Variants in CCL24 observed in about 807,000 individuals in gnomAD.
The protein encoded by CCL24 is C-C motif chemokine 24.
In CCL24, 6 loss-of-function variants were observed where a neutral mutation model predicts 8.6. The observed-to-expected ratio is 0.70, with a 90% confidence interval of 0.38 to 1.38. The LOEUF (loss-of-function observed/expected upper bound fraction) is 1.38, where lower values mean the gene tolerates loss of function less well. CCL24 is among the 40% of genes most tolerant of loss of function. CCL24 has a pLI of 0.02. For missense variants in CCL24, 126 were observed against 147.1 expected (o/e 0.86, Z 0.74); for synonymous variants, 59 against 52.7 (o/e 1.12, Z -0.52).
Position 75,810,844 on chromosome 7 carries a change from G to A in CCL24, c.*952C>T, listed in dbSNP as rs897445399. 1.2e-4 allele frequency among the ~76,000 whole-genome samples: 18 copies of A among 150,248 alleles called. No individual in the cohort carries two copies. The highest frequency in any genetic ancestry group is 8.4e-4 in the South Asian group (4 of 4,746). On this transcript the variant is annotated 3_prime_UTR_variant, in exon 3 of 3. Coordinates refer to ENST00000222902, the MANE Select transcript of CCL24 (RefSeq NM_002991.3). Reference sequence around the variant, plus strand: ...ACAACCTTCAAAGAAAAAAAGAATCGCATTTTATTTGGCCTATTATTTGAG... The same window carrying A: ...ACAACCTTCAAAGAAAAAAAGAATCACATTTTATTTGGCCTATTATTTGAG...
intron 2 of CCL24, 75 bp downstream of exon 2, chr7:75,813,231 C>T (rs1803812341): frequency 2.4e-6 from 2 of 849,476 alleles, no homozygotes; most frequent in East Asian, 2.5e-5. Context: ...GGCTGGCTGA[C>T]CTTGCTTCTC....
At chr7:75,820,148 CCTCCTT>C (rs376518219) in intron 1 of CCL24, among the ~76,000 whole-genome samples, 16,523 of 97,264 alleles carry the variant, frequency 0.17, 3,017 homozygotes, top group Non-Finnish European at 0.18. Flanking sequence ...TCCTCCTCCT[CCTCCTT>C]CTCCTTCTCC....
chr7:75,822,971 C>A (rs918657130), intron 1 of CCL24, among the ~76,000 whole-genome samples: 1 of 152,230 alleles, frequency 6.6e-6, no homozygotes, highest in African/African-American at 2.4e-5. Flanking sequence ...AGGCAGCATG[C>A]TCCGCTGAGT....
chr7:75,819,304 ATATATATATATATATAT>A (rs1236184745), intron 1 of CCL24, among the ~76,000 whole-genome samples: 7 of 5,702 alleles, frequency 1.2e-3, no homozygotes, highest in Non-Finnish European at 1.8e-3. Context: ...AAAAAAAAAA[ATATATATATATATATAT>A]ATATATATAT....
At chr7:75,816,482 T>G (rs1803893058), upstream of CCL24, among the ~76,000 whole-genome samples, 1 of 152,120 alleles carries the variant, frequency 6.6e-6, no homozygotes, top group Non-Finnish European at 1.5e-5. Context: ...GGCAGAGCAA[T>G]TAGGGAGGAT....
upstream of CCL24, among the ~76,000 whole-genome samples, chr7:75,816,214 C>T (rs1803886225): frequency 6.6e-6 from 1 of 152,230 alleles, no homozygotes; most frequent in Non-Finnish European, 1.5e-5. Context: ...TCTGAAACAA[C>T]TTCCTCTGGA....
chr7:75,816,828 C>T (rs1315579061), upstream of CCL24, among the ~76,000 whole-genome samples: 2 of 140,156 alleles, frequency 1.4e-5, no homozygotes, highest in African/African-American at 5.4e-5. Context: ...CCCCAACGTG[C>T]TGGGATTACA....
In CCL24 at chr7:75,821,632, C is replaced by A. The variant is rs553995015; in HGVS notation, c.-60+1690G>T. Among the ~76,000 whole-genome samples, 10 of 152,026 alleles carry A rather than the reference C, an allele frequency of 6.6e-5. No individual in the cohort carries two copies. In the South Asian group the frequency reaches 2.1e-3, roughly 32 times the overall value. On this transcript the variant is annotated intron_variant, in intron 1 of 3. Transcript: ENST00000416943. ...GGCAGGTAGGGAGAGGTCTGGATGT[C>A]CAATAAATTATCAGAACAAGGGAGG...
upstream of CCL24, among the ~76,000 whole-genome samples, chr7:75,817,293 TG>T (rs1175900837): frequency 2.6e-5 from 4 of 151,456 alleles, no homozygotes; most frequent in Admixed American, 2.6e-4. Context: ...AGGAGGAAGT[TG>T]GGGGGAGAAA....
rs60777606 is a variant in CCL24 at position 75,811,386 on chromosome 7, C to T, written c.*410G>A. Among the ~76,000 whole-genome samples, 9,873 of 150,774 alleles carry T rather than the reference C, an allele frequency of 0.065. 380 individuals are homozygous for T. The highest frequency in any genetic ancestry group is 0.13 in the South Asian group (625 of 4,796). ...CCCAGGTACTCGGGAGGCTGAGGCA[C>T]GAGAATCACTTGAACCCAGGAGGCG... On this transcript the variant is annotated 3_prime_UTR_variant, in exon 3 of 3. Transcript: ENST00000222902.
At chr7:75,820,596 C>A (rs1349058772) in intron 1 of CCL24, among the ~76,000 whole-genome samples, 2 of 151,796 alleles carry the variant, frequency 1.3e-5, no homozygotes. Context: ...AATTCATCTA[C>A]TCACTCATCC....
At chr7:75,813,447 C>A (rs782480699) in intron 1 of CCL24, 24 bp from the exon 2 acceptor site, 152 of 1,530,324 alleles carry the variant, frequency 9.9e-5, no homozygotes, top group Non-Finnish European at 1.3e-4. Context: ...GAGAGAAGAG[C>A]CACGTCTTTT....
chr7:75,814,910 C>T (rs1449490715), upstream of CCL24, among the ~76,000 whole-genome samples: 1 of 151,982 alleles, frequency 6.6e-6, no homozygotes, highest in East Asian at 1.9e-4. Flanking sequence ...GACCAGATTC[C>T]CAGTCCCCCG....
upstream of CCL24, among the ~76,000 whole-genome samples, chr7:75,815,322 G>C (rs1309321331): frequency 2.7e-5 from 4 of 149,126 alleles, no homozygotes; most frequent in African/African-American, 9.9e-5. Context: ...CTGGGTGACA[G>C]AGCATAATCC....
chr7:75,817,093 T>C (rs1462972960), upstream of CCL24, among the ~76,000 whole-genome samples: 3 of 152,124 alleles, frequency 2.0e-5, no homozygotes, highest in Non-Finnish European at 4.4e-5. Context: ...TTCCAACTCC[T>C]GGCTTCAAGC....
At chr7:75,820,314 G>T (rs538776061) in intron 1 of CCL24, among the ~76,000 whole-genome samples, 1 of 151,864 alleles carries the variant, frequency 6.6e-6, no homozygotes, top group African/African-American at 2.4e-5. Flanking sequence ...GAGTAGCTGG[G>T]ATTACAGGCG....
At chr7:75,817,509 T>G (rs1554534302), upstream of CCL24, among the ~76,000 whole-genome samples, 1 of 151,126 alleles carries the variant, frequency 6.6e-6, no homozygotes, top group African/African-American at 2.4e-5. Context: ...ATATCCAATT[T>G]TTTTTTTTTT....
chr7:75,820,072 T>TC (rs1804000235), intron 1 of CCL24, among the ~76,000 whole-genome samples: 2 of 141,126 alleles, frequency 1.4e-5, no homozygotes, highest in African/African-American at 2.5e-5. Context: ...TTCTTCTTCT[T>TC]CTTCTTCTTC....
At chr7:75,820,198 T>TCCTTCTCCTTCTCC (rs1554534913) in intron 1 of CCL24, among the ~76,000 whole-genome samples, 1 of 149,762 alleles carries the variant, frequency 6.7e-6, no homozygotes, top group Non-Finnish European at 1.5e-5. Context: ...CTTCTCCTTC[T>TCCTTCTCCTTCTCC]TTTTTTGAGA....
Sources: allele counts gnomAD v4.1 joint callset (sites outside exome capture counted in the v4.1 genomes callset), GRCh38; gene constraint gnomAD v4.1.1; transcripts MANE v1.5; gene names NCBI Gene and HGNC (gene_info 2026-07-23, HGNC 2026-07-21).